Variants in UBR4 observed in about 807,000 individuals in gnomAD.
UBR4 encodes the protein E3 ubiquitin-protein ligase UBR4.
Under a neutral mutation model 575.6 loss-of-function variants are expected in UBR4, and 124 were observed. The observed-to-expected ratio is 0.22, with a 90% CI of 0.19 to 0.25. The LOEUF is 0.25. UBR4 is among the 10% of genes least tolerant of loss of function. UBR4 has a pLI of 1.00. For missense variants in UBR4, 4,818 were observed against 6,478.8 expected (o/e 0.74, Z 8.80); for synonymous variants, 2,455 against 2,473.7 (o/e 0.99, Z 0.22).
At chr1:19,087,503 C>T (rs1414547498) in intron 99 of UBR4, among the ~76,000 whole-genome samples, 1 of 152,238 alleles carries the variant, frequency 6.6e-6, no homozygotes, top group Non-Finnish European at 1.5e-5. Context: ...TGCTTAACCA[C>T]AAGTTGAGAC....
At chr1:19,137,938 T>A in intron 60 of UBR4, 69 bp downstream of exon 60, 1 of 1,345,758 alleles carries the variant, frequency 7.4e-7, no homozygotes, top group Admixed American at 2.9e-5. Flanking sequence ...CTGCAATTGA[T>A]CAGTCCTACT....
intron 17 of UBR4, among the ~76,000 whole-genome samples, chr1:19,180,781 T>C (rs1184168576): frequency 2.6e-5 from 4 of 152,106 alleles, no homozygotes; most frequent in East Asian, 1.9e-4. Context: ...TAACATTCCA[T>C]AGGAACCTGG....
At position 19,146,943 on chromosome 1, in the gene UBR4, T is replaced by C; in HGVS notation, c.7687A>G (p.Lys2563Glu). The change falls in exon 52 of 106, where the codon AAG becomes GAG. Residue 2563 changes from lysine to glutamate, a missense_variant. Lys to Glu is a moderately conservative substitution (Grantham distance 56). Around this residue, in one of 29 missense-constraint regions of UBR4, gnomAD observed 340 missense variants for 375.4 expected, o/e 0.91. Coordinates refer to ENST00000375254, the MANE Select transcript of UBR4 (RefSeq NM_020765.3). ...QCLNTSSKEGKDLDPEVFQRL... is the reference protein window; with the variant it reads ...QCLNTSSKEGEDLDPEVFQRL... ...TGGAACACCTCAGGGTCCAAATCCT[T>C]GCCCTCTTTGCTAGATGTGTTGAGA... 1 of 1,613,772 alleles carries C rather than the reference T, an allele frequency of 6.2e-7. No homozygotes were observed. Among genetic ancestry groups the C allele is most frequent in the Non-Finnish European group, 8.5e-7 (1 of 1,179,800 alleles).
chr1:19,086,335 C>CGGGGGG, intron 100 of UBR4, 65 bp from the exon 101 acceptor site: 2 of 3,228 alleles, frequency 6.2e-4, no homozygotes, highest in Non-Finnish European at 8.8e-4. Flanking sequence ...GGCACCTGGG[C>CGGGGGG]GGGGGGGCGG....
rs2090303663 is a variant in UBR4, at chr1:19,176,737, C to T, written c.2638-10G>A. ...GCAGGTTATGCTGTACCTTTTAAAA[C>T]ACAAATACTGAAATTAAGAAAGATA... On this transcript the variant is annotated splice_polypyrimidine_tract_variant and intron_variant, in intron 19 of 105. Transcript: ENST00000375254. The T allele has an allele frequency of 1.9e-6, 3 of 1,612,036 alleles. No individual in the cohort carries two copies. Among genetic ancestry groups the T allele is most frequent in the African/African-American group, 1.3e-5 (1 of 74,986 alleles).
At chr1:19,205,962 C>A (rs898502133) in intron 1 of UBR4, among the ~76,000 whole-genome samples, 2 of 152,094 alleles carry the variant, frequency 1.3e-5, no homozygotes, top group Admixed American at 1.3e-4. Flanking sequence ...CGAATGATAA[C>A]CATGCTCACC....
At chr1:19,198,357 G>A (rs1046686784) in intron 5 of UBR4, among the ~76,000 whole-genome samples, 184 bp downstream of exon 5, 9 of 152,174 alleles carry the variant, frequency 5.9e-5, no homozygotes, top group Non-Finnish European at 1.0e-4. Context: ...AGTAATAACC[G>A]TGGACAGAAG....
chr1:19,194,280 T>C (rs945507727), intron 8 of UBR4, among the ~76,000 whole-genome samples: 1 of 152,180 alleles, frequency 6.6e-6, no homozygotes, highest in African/African-American at 2.4e-5. Flanking sequence ...AAACTAGCTA[T>C]AAGGGAGAAG....
Position 19,176,836 on chromosome 1 carries a change from G to A in UBR4, c.2638-109C>T, listed in dbSNP as rs2090315260. ...ACTGAATCTTGGTAATCTGAATGTG[G>A]GTGTTCTACATTCAAATATTCTGTT... On this transcript the variant is annotated intron_variant, in intron 19 of 105. Transcript: ENST00000375254. The A allele has an allele frequency of 6.4e-6, 8 of 1,244,786 alleles. No homozygotes were observed. The East Asian group carries it at 1.5e-4, about 23-fold the overall frequency. The allele number at this position is 1,244,786 out of a possible 1,614,324, so 77.1% of individuals were successfully genotyped here.
rs570513731 is a variant in UBR4 at position 19,193,769 on chromosome 1, G to A, written c.1019-212C>T. Among the ~76,000 whole-genome samples the A allele has an allele frequency of 1.3e-4, 19 of 151,224 alleles. No homozygotes were observed. The South Asian group carries it at 1.5e-3, about 12-fold the overall frequency. On this transcript the variant is annotated intron_variant, in intron 8 of 105. Transcript: ENST00000375254. ...AAATAAGCTGAAAACTTACACGCGCGCACACACACACACACTACACACGAA... is the reference window on the plus strand; with the variant it reads ...AAATAAGCTGAAAACTTACACGCGCACACACACACACACACTACACACGAA...
Position 19,198,523 on chromosome 1 carries a change from T to C in UBR4, c.648+18A>G. 1.9e-6 allele frequency: 3 copies of C among 1,606,934 alleles called. No individual in the cohort carries two copies. The highest frequency in any genetic ancestry group is 1.8e-4 in the Middle Eastern group (1 of 5,702). Reference sequence around the variant, plus strand: ...ACAAAACCCACAGAGAAGAAGACATTTGACTAAAGAAACTCACCAGAGTCT... The same window carrying C: ...ACAAAACCCACAGAGAAGAAGACATCTGACTAAAGAAACTCACCAGAGTCT... On this transcript the variant is annotated intron_variant, in intron 5 of 105. Coordinates refer to ENST00000375254, the MANE Select transcript of UBR4 (RefSeq NM_020765.3).
At position 19,089,296 on chromosome 1, in the gene UBR4, G is replaced by A. The variant is rs2077295295; in HGVS notation, c.14212-319C>T. Among the ~76,000 whole-genome samples the A allele has an allele frequency of 6.6e-6, 1 of 152,172 alleles. No individual in the cohort carries two copies. Among genetic ancestry groups the A allele is most frequent in the South Asian group, 2.1e-4 (1 of 4,826 alleles). ...ATCCATCACAGAGGATGTGGAAAGGGGCCAGGAGAAGATCCCCGTATTCTG... is the reference window on the plus strand; with the variant it reads ...ATCCATCACAGAGGATGTGGAAAGGAGCCAGGAGAAGATCCCCGTATTCTG... On this transcript the variant is annotated intron_variant, in intron 97 of 105. Coordinates refer to ENST00000375254, the MANE Select transcript of UBR4 (RefSeq NM_020765.3). This position sits in a 1 kb window ranked among gnomAD's most constrained non-coding sequence, Gnocchi z 4.3.
rs1323423866 is a variant in UBR4, at chr1:19,096,399, G to A, written c.13518+124C>T. 62 of 1,453,534 alleles carry A rather than the reference G, an allele frequency of 4.3e-5. No individual in the cohort carries two copies. The Middle Eastern group carries it at 1.0e-3, about 24-fold the overall frequency. The allele number at this position is 1,453,534 out of a possible 1,614,324, so 90.0% of individuals were successfully genotyped here. Reference sequence around the variant, plus strand: ...TAACTGCCAGGTCCTTCACTGGCTCGCACTGCTCCACGGCACCATGCTGCC... The same window carrying A: ...TAACTGCCAGGTCCTTCACTGGCTCACACTGCTCCACGGCACCATGCTGCC... On this transcript the variant is annotated intron_variant, in intron 92 of 105. Coordinates refer to ENST00000375254, the MANE Select transcript of UBR4 (RefSeq NM_020765.3).
At position 19,122,119 on chromosome 1, in the gene UBR4, A is replaced by G. The variant is rs879001619; in HGVS notation, c.9817-107T>C. The G allele has an allele frequency of 2.0e-5, 21 of 1,066,656 alleles. No homozygotes were observed. In the South Asian group the frequency reaches 2.7e-4, roughly 14 times the overall value. The allele number at this position is 1,066,656 out of a possible 1,614,324, so 66.1% of individuals were successfully genotyped here. A position where few individuals can be genotyped will look rare whatever the true frequency, so the allele number is the denominator to read the frequency against. ...CTCCCTGACTTTGGACTACACCTGA[A>G]CATGATCTTCTGAGCAAGGCAGATG... On this transcript the variant is annotated intron_variant, in intron 66 of 105. Coordinates refer to ENST00000375254, the MANE Select transcript of UBR4 (RefSeq NM_020765.3).
intron 58 of UBR4, among the ~76,000 whole-genome samples, chr1:19,140,213 CA>C (rs994205071): frequency 2.4e-5 from 2 of 84,656 alleles, no homozygotes; most frequent in Non-Finnish European, 2.3e-5. Flanking sequence ...ATTCAGGAAA[CA>C]TTTTTTTTTT....
chr1:19,086,171 T>C lies in UBR4; in HGVS notation c.14787A>G (p.Glu4929=), dbSNP rs1557504328. ...LLPVWGPHVP[E]SAFATCLARH... ...TTGCCAAGCAAGTGGCAAAAGCTGA[T>C]TCAGGGACATGAGGTCCCCAGACCG... Residue 4929 remains glutamate, a synonymous_variant, in exon 101 of 106, where the codon GAA becomes GAG. Transcript: ENST00000375254. The C allele has an allele frequency of 6.2e-7, 1 of 1,614,048 alleles. No individual in the cohort carries two copies. The highest frequency in any genetic ancestry group is 8.5e-7 in the Non-Finnish European group (1 of 1,180,024).
rs762566571 is a variant in UBR4, at chr1:19,143,957, C to G, written c.8179+23G>C. 4 of 1,607,566 alleles carry G rather than the reference C, an allele frequency of 2.5e-6. No individual in the cohort carries two copies. In the East Asian group the frequency reaches 6.7e-5, roughly 27 times the overall value. ...CCCTCCTCCCAAATACAGGCTTGAG[C>G]CTAAACCCAGACCTCATATTACCCA... On this transcript the variant is annotated intron_variant, in intron 55 of 105. Coordinates refer to ENST00000375254, the MANE Select transcript of UBR4 (RefSeq NM_020765.3).
chr1:19,185,074 C>A, intron 15 of UBR4, 25 bp downstream of exon 15: 1 of 1,613,992 alleles, frequency 6.2e-7, no homozygotes, highest in Non-Finnish European at 8.5e-7. Flanking sequence ...TCCACTTCCC[C>A]TAAACCTTAG....
chr1:19,106,729 G>C lies in UBR4; in HGVS notation c.12236-3C>G. On this transcript the variant is annotated splice_region_variant and splice_polypyrimidine_tract_variant and intron_variant, in intron 82 of 105. Coordinates refer to ENST00000375254, the MANE Select transcript of UBR4 (RefSeq NM_020765.3). ...GGCTTTCCCATTGCCATCTATCCCT[G>C]CAAGGCCAAGGGTTGCAGGGGTAGT... The C allele has an allele frequency of 6.3e-7, 1 of 1,597,900 alleles. No individual in the cohort carries two copies. The highest frequency in any genetic ancestry group is 8.5e-7 in the Non-Finnish European group (1 of 1,170,210).
Sources: allele counts gnomAD v4.1 joint callset (sites outside exome capture counted in the v4.1 genomes callset), GRCh38; gene constraint gnomAD v4.1.1; regional missense constraint gnomAD v4.1.1; non-coding constraint Gnocchi (gnomAD v3.1); transcripts MANE v1.5; gene names NCBI Gene and HGNC (gene_info 2026-07-23, HGNC 2026-07-21).